Variants in ARF4 observed in about 807,000 individuals in gnomAD.
The protein encoded by ARF4 is ARF GTPase 4.
A neutral mutation model predicts 24.3 loss-of-function variants in ARF4; 5 were observed. That is an observed-to-expected ratio of 0.21 (90% CI 0.11 to 0.43). The LOEUF is 0.43. Ranked by LOEUF, ARF4 falls within the 20% of genes least tolerant of loss-of-function variation. The probability of loss-of-function intolerance (pLI) is 1.00; values close to 1 mark genes in which losing one functional copy is unlikely to be tolerated. For missense variants in ARF4, 107 were observed against 213.0 expected (o/e 0.50, Z 3.10); for synonymous variants, 62 against 73.5 (o/e 0.84, Z 0.80).
chr3:57,592,295 C>T (rs1026697685), intron 1 of ARF4, among the ~76,000 whole-genome samples: 1 of 152,060 alleles, frequency 6.6e-6, no homozygotes, highest in African/African-American at 2.4e-5. Flanking sequence ...TTGAGACCAG[C>T]TTGACCAATA....
At chr3:57,596,132 G>A (rs2070179447) in intron 1 of ARF4, among the ~76,000 whole-genome samples, 1 of 152,126 alleles carries the variant, frequency 6.6e-6, no homozygotes, top group Non-Finnish European at 1.5e-5. Context: ...TCAGCCAACT[G>A]ACAGCCCTTC....
intron 3 of ARF4, among the ~76,000 whole-genome samples, chr3:57,581,007 TG>T (rs1435198710): frequency 6.6e-6 from 1 of 152,196 alleles, no homozygotes; most frequent in Non-Finnish European, 1.5e-5. Flanking sequence ...ATTTTCTTCC[TG>T]GAACAGCCTA....
chr3:57,596,747 C>T (rs2070192529), intron 1 of ARF4: 1 of 308,700 alleles, frequency 3.2e-6, no homozygotes, highest in East Asian at 8.0e-5. Context: ...GAAAGGGCCT[C>T]GCCAAGTGTT....
chr3:57,584,102 C>G, intron 2 of ARF4, 95 bp from the exon 3 acceptor site: 1 of 866,524 alleles, frequency 1.2e-6, no homozygotes, highest in Non-Finnish European at 1.8e-6. Flanking sequence ...TTTTAAAGTA[C>G]TTCTTTTTAT....
Position 57,572,010 on chromosome 3 carries a change from A to G in ARF4, c.*202T>C, listed in dbSNP as rs183725596. The G allele has an allele frequency of 1.0e-5, 5 of 482,520 alleles. No homozygotes were observed. In the Admixed American group the frequency reaches 1.5e-4, roughly 14 times the overall value. 29.9% of individuals were successfully genotyped at this position (482,520 alleles called of 1,614,324 possible). A position where few individuals can be genotyped will look rare whatever the true frequency, so the allele number is the denominator to read the frequency against. ...AATTAAAAGAGGATACTTTTTTCCCAAGGAGAATTTCTTTAAAACCAAGCA... is the reference window on the plus strand; with the variant it reads ...AATTAAAAGAGGATACTTTTTTCCCGAGGAGAATTTCTTTAAAACCAAGCA... On this transcript the variant is annotated 3_prime_UTR_variant, in exon 6 of 6. Coordinates refer to ENST00000303436, the MANE Select transcript of ARF4 (RefSeq NM_001660.4).
intron 1 of ARF4, among the ~76,000 whole-genome samples, chr3:57,591,536 A>G (rs1173985797): frequency 6.7e-6 from 1 of 150,134 alleles, no homozygotes; most frequent in East Asian, 1.9e-4. Context: ...GCACGATCTC[A>G]GCTCACTGCA....
intron 2 of ARF4, 56 bp downstream of exon 2, chr3:57,584,328 T>C (rs945491746): frequency 1.5e-6 from 2 of 1,366,262 alleles, no homozygotes; most frequent in Non-Finnish European, 2.1e-6. Context: ...AACTAGACTG[T>C]ATATATTTCA....
chr3:57,575,140 G>A (rs995566515), intron 5 of ARF4, among the ~76,000 whole-genome samples: 1 of 147,024 alleles, frequency 6.8e-6, no homozygotes, highest in African/African-American at 2.5e-5. Context: ...ATGAGCCACC[G>A]CACCCAGCCC....
At chr3:57,596,838 C>T (rs1216160127) in intron 1 of ARF4, 3 of 520,300 alleles carry the variant, frequency 5.8e-6, no homozygotes, top group Non-Finnish European at 1.0e-5. Flanking sequence ...AAAGCCGAGT[C>T]CAGAAAGAAA....
At chr3:57,587,319 C>CAAAAAA (rs56787111) in intron 1 of ARF4, among the ~76,000 whole-genome samples, 5 of 45,364 alleles carry the variant, frequency 1.1e-4, no homozygotes, top group Non-Finnish European at 1.9e-4. Flanking sequence ...AACTCAGTCT[C>CAAAAAA]AAAAAAAAAA....
Position 57,595,249 on chromosome 3 carries a change from C to G in ARF4, c.67+1825G>C, listed in dbSNP as rs75014329. Among the ~76,000 whole-genome samples, 265 of 152,260 alleles carry G rather than the reference C, an allele frequency of 1.7e-3. 1 individual carries two copies. The highest frequency in any genetic ancestry group is 6.1e-3 in the African/African-American group (255 of 41,546). ...AAAAGACTAAGGAATTGAAAAATAG[C>G]AATTCATTTACAATAAATCTTAAGT... On this transcript the variant is annotated intron_variant, in intron 1 of 5. Transcript: ENST00000303436.
chr3:57,594,964 T>C (rs765819043), intron 1 of ARF4, among the ~76,000 whole-genome samples: 2 of 152,232 alleles, frequency 1.3e-5, no homozygotes, highest in Non-Finnish European at 2.9e-5. Context: ...ATCTTGTGAC[T>C]GAAGTGTTTT....
At chr3:57,579,004 G>A (rs1430978527) in intron 3 of ARF4, among the ~76,000 whole-genome samples, 1 of 152,016 alleles carries the variant, frequency 6.6e-6, no homozygotes, top group East Asian at 1.9e-4. Flanking sequence ...ACTGATTTAT[G>A]TAAGTAACGA....
intron 1 of ARF4, chr3:57,596,791 C>T: frequency 2.5e-6 from 1 of 395,150 alleles, no homozygotes; most frequent in East Asian, 5.3e-5. Flanking sequence ...CACATCTCTG[C>T]CCAATGTTGT....
At chr3:57,588,624 C>T (rs898508365) in intron 1 of ARF4, among the ~76,000 whole-genome samples, 12 of 147,594 alleles carry the variant, frequency 8.1e-5, no homozygotes, top group East Asian at 2.0e-4. Context: ...GAAGCCAAGG[C>T]GGGTGGATCA....
intron 3 of ARF4, among the ~76,000 whole-genome samples, chr3:57,581,900 T>G (rs1195747777): frequency 6.6e-6 from 1 of 152,224 alleles, no homozygotes; most frequent in Non-Finnish European, 1.5e-5. Context: ...TACATACATG[T>G]GAGTTTATTA....
At chr3:57,576,599 A>G (rs1430867677) in intron 4 of ARF4, among the ~76,000 whole-genome samples, 1 of 151,232 alleles carries the variant, frequency 6.6e-6, no homozygotes. Context: ...ATACTGGCAC[A>G]ATGGTTTTAC....
At chr3:57,572,468 C>A (rs984395824) in intron 5 of ARF4, among the ~76,000 whole-genome samples, 170 bp from the exon 6 acceptor site, 4 of 152,178 alleles carry the variant, frequency 2.6e-5, no homozygotes, top group African/African-American at 9.7e-5. Flanking sequence ...ACCTATAAAT[C>A]CCAGCACTTT....
rs752471163 is a variant in ARF4, at chr3:57,575,544, T to C, written c.456+4A>G. On this transcript the variant is annotated splice_donor_region_variant and intron_variant, in intron 5 of 5. Transcript: ENST00000303436. Reference sequence around the variant, plus strand: ...GAGGTTAATATCAACCTCCAAATACTTACTGTTCTGTTACGAAGAGACTGA... The same window carrying C: ...GAGGTTAATATCAACCTCCAAATACCTACTGTTCTGTTACGAAGAGACTGA... 4 of 1,609,534 alleles carry C rather than the reference T, an allele frequency of 2.5e-6. No homozygotes were observed. In the East Asian group the frequency reaches 6.7e-5, roughly 27 times the overall value.
Sources: gnomAD v4.1 joint callset for allele counts (sites outside exome capture counted in the v4.1 genomes callset) on GRCh38, gnomAD v4.1.1 for gene constraint, MANE v1.5 for transcripts, NCBI Gene and HGNC (gene_info 2026-07-23, HGNC 2026-07-21) for gene names.